IQCH: variants seen among roughly 807,000 people sequenced by gnomAD.
The protein encoded by IQCH is IQ domain-containing protein H.
A neutral mutation model predicts 117.0 loss-of-function variants in IQCH; 98 were observed. The ratio of observed to expected loss-of-function variants is 0.84; its 90% CI spans 0.71 to 0.99. The LOEUF (loss-of-function observed/expected upper bound fraction) is 0.99, where lower values mean the gene tolerates loss of function less well. Among genes scored for constraint, IQCH ranks in the 50% least tolerant of loss-of-function variants. The pLI, the probability that IQCH is intolerant of heterozygous loss-of-function variation, is 0.00. For missense variants in IQCH, 1,102 were observed against 1,243.8 expected (o/e 0.89, Z 1.72); for synonymous variants, 412 against 448.2 (o/e 0.92, Z 1.02).
intron 1 of IQCH, among the ~76,000 whole-genome samples, chr15:67,257,511 A>G (rs1481830842): frequency 1.3e-5 from 2 of 152,242 alleles, no homozygotes; most frequent in Non-Finnish European, 2.9e-5. Context: ...GAAGACACTT[A>G]GGTACAAAGA....
intron 4 of IQCH, among the ~76,000 whole-genome samples, chr15:67,308,774 A>G (rs1967438594): frequency 6.6e-6 from 1 of 152,006 alleles, no homozygotes; most frequent in Non-Finnish European, 1.5e-5. Context: ...AATAATGGGA[A>G]AGCTGAGGAA....
chr15:67,277,557 G>A (rs1966177280), intron 3 of IQCH, among the ~76,000 whole-genome samples: 2 of 139,202 alleles, frequency 1.4e-5, no homozygotes, highest in South Asian at 2.2e-4. Flanking sequence ...TTTTTTAGAC[G>A]GAGTCTCGCT....
rs956129855 is a variant in IQCH at position 67,375,136 on chromosome 15, A to G, written c.1372+1703A>G. Among the ~76,000 whole-genome samples the G allele has an allele frequency of 2.0e-5, 3 of 152,250 alleles. No individual in the cohort carries two copies. The South Asian group carries it at 6.2e-4, about 32-fold the overall frequency. On this transcript the variant is annotated intron_variant, in intron 10 of 20. Coordinates refer to ENST00000335894, the MANE Select transcript of IQCH (RefSeq NM_001031715.3). Reference sequence around the variant, plus strand: ...ACTAGGTAATAAAAAAATTTGAGTGAAAGTGTCTTAAAATTTCAAAAGGGC... The same window carrying G: ...ACTAGGTAATAAAAAAATTTGAGTGGAAGTGTCTTAAAATTTCAAAAGGGC...
chr15:67,300,281 G>A (rs1164329511), intron 4 of IQCH, among the ~76,000 whole-genome samples: 1 of 152,000 alleles, frequency 6.6e-6, no homozygotes, highest in South Asian at 2.1e-4. Flanking sequence ...TGGGGCCAGT[G>A]GGAGCCTCTT....
In IQCH at chr15:67,404,663, T is replaced by C. The variant is rs1971814113; in HGVS notation, c.2097+4358T>C. The stretch of plus-strand genomic sequence containing the variant: ...CTAGTTAAACATCAGATCTTAAATA[T>C]TTTCCATGTTTATACATAGTCGTCA... On this transcript the variant is annotated intron_variant, in intron 14 of 20. Transcript: ENST00000335894. The surrounding 1 kb of genome is among the most constrained non-coding windows in gnomAD (Gnocchi z 4.6). 1 of 152,232 alleles carries C rather than the reference T, an allele frequency of 6.6e-6. No homozygotes were observed. The allele number at this position is 152,232 out of a possible 1,614,324, so 9.4% of individuals were successfully genotyped here.
intron 4 of IQCH, among the ~76,000 whole-genome samples, chr15:67,291,201 G>A (rs1445863625): frequency 6.6e-6 from 1 of 151,912 alleles, no homozygotes; most frequent in African/African-American, 2.4e-5. Flanking sequence ...AATAATTTTT[G>A]GCAAAAGCAA....
In IQCH at chr15:67,391,601, T is replaced by C. The variant is rs973785923; in HGVS notation, c.1632+2595T>C. ...TATCTCAGGTCAAAAAAAAAATCAG[T>C]GGTGATAAATTAAATGTAGCCATAA... is the stretch of plus-strand genomic sequence containing the variant. On this transcript the variant is annotated intron_variant, in intron 12 of 20. Transcript: ENST00000335894. This position sits in a 1 kb window ranked among gnomAD's most constrained non-coding sequence, Gnocchi z 4.3. Among the ~76,000 whole-genome samples the C allele has an allele frequency of 3.3e-5, 5 of 151,986 alleles. No individual in the cohort carries two copies. Among genetic ancestry groups the C allele is most frequent in the African/African-American group, 1.2e-4 (5 of 41,392 alleles).
At chr15:67,461,050 T>G (rs1398890370) in intron 16 of IQCH, among the ~76,000 whole-genome samples, 1 of 152,180 alleles carries the variant, frequency 6.6e-6, no homozygotes, top group Non-Finnish European at 1.5e-5. Context: ...GAGATTAGAT[T>G]CTAAAGTTAC....
At chr15:67,333,311 C>A (rs1193029897) in intron 4 of IQCH, among the ~76,000 whole-genome samples, 1 of 152,174 alleles carries the variant, frequency 6.6e-6, no homozygotes, top group Non-Finnish European at 1.5e-5. Context: ...AGCCTTCATG[C>A]CTAAAATGTT....
At chr15:67,318,623 A>T (rs1457407389) in intron 4 of IQCH, among the ~76,000 whole-genome samples, 1 of 152,234 alleles carries the variant, frequency 6.6e-6, no homozygotes, top group Non-Finnish European at 1.5e-5. Flanking sequence ...AATGAAGGTG[A>T]ACTTTTCATA....
chr15:67,288,318 A>G (rs1266043717), intron 4 of IQCH, among the ~76,000 whole-genome samples: 1 of 152,078 alleles, frequency 6.6e-6, no homozygotes, highest in African/African-American at 2.4e-5. Flanking sequence ...TGTCTGGAAG[A>G]TCTGTTTAAT....
chr15:67,347,792 GCT>G (rs975907395), intron 6 of IQCH, among the ~76,000 whole-genome samples: 1 of 146,248 alleles, frequency 6.8e-6, no homozygotes, highest in African/African-American at 2.5e-5. Flanking sequence ...TGAATCTAGT[GCT>G]CTGTCTATAT....
At chr15:67,437,207 A>AT (rs1358230349) in intron 16 of IQCH, among the ~76,000 whole-genome samples, 1 of 152,196 alleles carries the variant, frequency 6.6e-6, no homozygotes, top group Non-Finnish European at 1.5e-5. Flanking sequence ...AGAAACCCAT[A>AT]TAATATATGG....
chr15:67,275,682 A>G (rs1368397812), intron 3 of IQCH, among the ~76,000 whole-genome samples: 1 of 152,186 alleles, frequency 6.6e-6, no homozygotes, highest in Admixed American at 6.5e-5. Flanking sequence ...GTTTGAGACC[A>G]GCCTGGGCAA....
rs2140875531 is a variant in IQCH at position 67,403,770 on chromosome 15, C to T, written c.2097+3465C>T. ...GGCAGACATTTACTGTGGTACCAGT[C>T]CTTGTGGCTTTTTTCCATTTTTTTC... On this transcript the variant is annotated intron_variant, in intron 14 of 20. Coordinates refer to ENST00000335894, the MANE Select transcript of IQCH (RefSeq NM_001031715.3). The surrounding 1 kb of genome is among the most constrained non-coding windows in gnomAD (Gnocchi z 4.8). The T allele has an allele frequency of 6.6e-6, 1 of 152,364 alleles. No homozygotes were observed. Among genetic ancestry groups the T allele is most frequent in the East Asian group, 1.9e-4 (1 of 5,188 alleles). The allele number at this position is 152,364 out of a possible 1,614,324, so 9.4% of individuals were successfully genotyped here.
At chr15:67,256,954 C>T (rs1290082406) in intron 1 of IQCH, among the ~76,000 whole-genome samples, 2 of 152,222 alleles carry the variant, frequency 1.3e-5, no homozygotes. Flanking sequence ...CCTACTTTCT[C>T]AGTGAATCCT....
intron 4 of IQCH, among the ~76,000 whole-genome samples, chr15:67,288,418 C>T (rs116159456): frequency 0.01 from 1,593 of 152,096 alleles, 26 homozygotes; most frequent in African/African-American, 0.037. Context: ...TTATATATTT[C>T]GATGATCCAG....
At position 67,356,319 on chromosome 15, in the gene IQCH, G is replaced by A. The variant is rs956818038; in HGVS notation, c.638-1026G>A. On this transcript the variant is annotated intron_variant, in intron 6 of 20. Transcript: ENST00000335894. The surrounding 1 kb of genome is among the most constrained non-coding windows in gnomAD (Gnocchi z 5.3). ...CGGAAGCCAGGGAAACCAGAGGGTTGTAAAAATGGGTTGATCAAATGCAAC... is the reference window on the plus strand; with the variant it reads ...CGGAAGCCAGGGAAACCAGAGGGTTATAAAAATGGGTTGATCAAATGCAAC... Among the ~76,000 whole-genome samples the A allele has an allele frequency of 6.6e-6, 1 of 152,166 alleles. No homozygotes were observed. Among genetic ancestry groups the A allele is most frequent in the Non-Finnish European group, 1.5e-5 (1 of 68,024 alleles).
intron 16 of IQCH, among the ~76,000 whole-genome samples, chr15:67,428,847 C>CAAAAA (rs541782495): frequency 3.7e-5 from 3 of 81,222 alleles, no homozygotes; most frequent in Non-Finnish European, 7.6e-5. Flanking sequence ...GACTCTGTCT[C>CAAAAA]AAAAAAAAAA....
Sources: gnomAD v4.1 joint callset for allele counts (sites outside exome capture counted in the v4.1 genomes callset) on GRCh38, gnomAD v4.1.1 for gene constraint, Gnocchi (gnomAD v3.1) non-coding constraint, MANE v1.5 for transcripts, NCBI Gene and HGNC (gene_info 2026-07-23, HGNC 2026-07-21) for gene names.